The following TLR3 variants were observed in gnomAD, a reference collection of about 807,000 sequenced individuals.
The protein encoded by TLR3 is toll-like receptor 3.
In TLR3, 43 loss-of-function variants were observed where a neutral mutation model predicts 66.4. That is an observed-to-expected ratio of 0.65 (90% CI 0.51 to 0.83). The LOEUF (loss-of-function observed/expected upper bound fraction) is 0.83, where lower values mean the gene tolerates loss of function less well. TLR3 is among the 40% of genes least tolerant of loss of function. TLR3 has a pLI of 0.00. For missense variants in TLR3, 982 were observed against 1,044.6 expected (o/e 0.94, Z 0.83); for synonymous variants, 397 against 397.2 (o/e 1.00, Z 0.01).
chr4:186,076,538 A>C, intron 1 of TLR3, 75 bp from the exon 2 acceptor site: 1 of 1,369,126 alleles, frequency 7.3e-7, no homozygotes, highest in African/African-American at 1.4e-5. Flanking sequence ...TATATTTTAC[A>C]AGGAATATAC....
At chr4:186,082,097 T>C (rs973293378) in intron 3 of TLR3, 2 of 551,158 alleles carry the variant, frequency 3.6e-6, no homozygotes, top group African/African-American at 1.9e-5. Context: ...TGGTGGCGCA[T>C]GCCTGTAATC....
rs1481297372 is a variant in TLR3, at chr4:186,076,718, A to T, written c.99A>T (p.Glu33Asp). 2.5e-6 allele frequency: 4 copies of T among 1,614,042 alleles called. No individual in the cohort carries two copies. The highest frequency in any genetic ancestry group is 3.4e-6 in the Non-Finnish European group (4 of 1,180,042). ...SSTTKCTVSH[E>D]VADCSHLKLT... ...CCACCAAGTGCACTGTTAGCCATGA[A>T]GTTGCTGACTGCAGCCACCTGAAGT... Residue 33 changes from glutamate to aspartate, a missense_variant, in exon 2 of 5, where the codon GAA becomes GAT. Glu to Asp is a conservative substitution (Grantham distance 45, BLOSUM62 2). Around this residue, in one of 3 missense-constraint regions of TLR3, gnomAD observed 313 missense variants for 319.0 expected, o/e 0.98. Coordinates refer to ENST00000296795, the MANE Select transcript of TLR3 (RefSeq NM_003265.3).
rs1189438854 is a variant in TLR3 at position 186,082,973 on chromosome 4, G to T, written c.1287G>T (p.Trp429Cys). The change falls in exon 4 of 5, where the codon TGG (tryptophan) becomes TGT (cysteine). Residue 429 changes from tryptophan to cysteine, a missense_variant. By Grantham distance (215) the Trp-to-Cys change is radical. Coordinates refer to ENST00000296795, the MANE Select transcript of TLR3 (RefSeq NM_003265.3). Reference sequence around the variant, plus strand: ...AAATAGAGAGTGATGCTTTCTCTTGGTTGGGCCACCTAGAAGTACTTGACC... The same window carrying T: ...AAATAGAGAGTGATGCTTTCTCTTGTTTGGGCCACCTAGAAGTACTTGACC... ...ISKIESDAFS[W>C]LGHLEVLDLG... 1 of 1,614,132 alleles carries T rather than the reference G, an allele frequency of 6.2e-7. No individual in the cohort carries two copies. The highest frequency in any genetic ancestry group is 8.5e-7 in the Non-Finnish European group (1 of 1,180,022).
intron 1 of TLR3, among the ~76,000 whole-genome samples, chr4:186,073,786 A>G (rs1297351517): frequency 6.6e-6 from 1 of 152,194 alleles, no homozygotes; most frequent in Admixed American, 6.5e-5. Context: ...GAAAATAAAT[A>G]GGCAACTCAC....
intron 1 of TLR3, among the ~76,000 whole-genome samples, chr4:186,070,006 A>G (rs748896514): frequency 3.0e-4 from 46 of 152,264 alleles, no homozygotes; most frequent in Non-Finnish European, 5.1e-4. Context: ...AACTCCAGGT[A>G]GTCTGCCTCC....
intron 3 of TLR3, 96 bp from the exon 4 acceptor site, chr4:186,082,224 C>CAATAAAAAAA (rs2099303645): frequency 3.5e-6 from 1 of 284,072 alleles, no homozygotes; most frequent in Non-Finnish European, 5.7e-6. Flanking sequence ...GACTCCGTCT[C>CAATAAAAAAA]AAAAAAAAAA....
rs777335713 is a variant in TLR3 at position 186,076,939 on chromosome 4, A to C, written c.320A>C (p.Gln107Pro). Residue 107 changes from glutamine (Q) to proline (P), a missense_variant, in exon 2 of 5, where the codon CAG (glutamine) becomes CCG (proline). By Grantham distance (76) the Gln-to-Pro change is moderately conservative. Around this residue, in one of 3 missense-constraint regions of TLR3, gnomAD observed 313 missense variants for 319.0 expected, o/e 0.98. Coordinates refer to ENST00000296795, the MANE Select transcript of TLR3 (RefSeq NM_003265.3). Reference protein sequence around the residue: ...KLPMLKVLNLQHNELSQLSDK... With the variant: ...KLPMLKVLNLPHNELSQLSDK... ...CCCATGTTAAAAGTTTTGAACCTCC[A>C]GCACAATGAGCTATCTCAACTTTCT... The C allele has an allele frequency of 1.2e-6, 2 of 1,614,218 alleles. No individual in the cohort carries two copies. The highest frequency in any genetic ancestry group is 4.5e-5 in the East Asian group (2 of 44,886).
chr4:186,075,217 A>C (rs1204071454), intron 1 of TLR3, among the ~76,000 whole-genome samples: 1 of 152,224 alleles, frequency 6.6e-6, no homozygotes, highest in African/African-American at 2.4e-5. Flanking sequence ...ATCACTACAA[A>C]CATGTGAGGA....
Position 186,087,938 on chromosome 4 carries a change from T to A in TLR3, c.*3065T>A, listed in dbSNP as rs2099304635. ...TTGGGTGATGAAAGTGCTCTATAAT[T>A]GGGTTATGGTAATAATTGTACAACT... On this transcript the variant is annotated 3_prime_UTR_variant, in exon 5 of 5. Transcript: ENST00000296795. 6.6e-6 allele frequency: 1 copy of A among 152,136 alleles called. No homozygotes were observed. Among genetic ancestry groups the A allele is most frequent in the Non-Finnish European group, 1.5e-5 (1 of 68,032 alleles). 9.4% of individuals were successfully genotyped at this position (152,136 alleles called of 1,614,324 possible).
intron 2 of TLR3, among the ~76,000 whole-genome samples, chr4:186,077,399 C>T (rs1013053368): frequency 6.6e-6 from 1 of 152,092 alleles, no homozygotes; most frequent in Non-Finnish European, 1.5e-5. Flanking sequence ...GAAGTCGTGA[C>T]AAAAGTCTTG....
Position 186,087,861 on chromosome 4 carries a change from G to A in TLR3, c.*2988G>A, listed in dbSNP as rs2099304618. The A allele has an allele frequency of 3.3e-5, 5 of 152,142 alleles. No homozygotes were observed. Among genetic ancestry groups the A allele is most frequent in the Admixed American group, 3.3e-4 (5 of 15,276 alleles). 9.4% of individuals were successfully genotyped at this position (152,142 alleles called of 1,614,324 possible). A position where few individuals can be genotyped will look rare whatever the true frequency, so the allele number is the denominator to read the frequency against. On this transcript the variant is annotated 3_prime_UTR_variant, in exon 5 of 5. Coordinates refer to ENST00000296795, the MANE Select transcript of TLR3 (RefSeq NM_003265.3). ...CACAAAGCAGATGAGTGGTTGTCTG[G>A]GCCTAGGAACAGGAATGGGGAGTGG...
At chr4:186,082,093 C>T (rs542184311) in intron 3 of TLR3, 35 of 541,796 alleles carry the variant, frequency 6.5e-5, no homozygotes, top group Admixed American at 1.7e-4. Flanking sequence ...GACGTGGTGG[C>T]GCATGCCTGT....
In TLR3 at chr4:186,083,737, A is replaced by AT; in HGVS notation, c.2052dup (p.Gly685TrpfsTer8). 6.2e-7 allele frequency: 1 copy of AT among 1,613,268 alleles called. No homozygotes were observed. Among genetic ancestry groups the AT allele is most frequent in the Non-Finnish European group, 8.5e-7 (1 of 1,179,676 alleles). Reference sequence around the variant, plus strand: ...CTTTGCAACACTCCACCTCACTATCATGGGTTCCCAGTGAGACTTTTTGAT... The same window carrying AT: ...CTTTGCAACACTCCACCTCACTATCATTGGGTTCCCAGTGAGACTTTTTGAT... On this transcript the variant is annotated frameshift_variant, in exon 4 of 5. Transcript: ENST00000296795. LOFTEE classifies it high-confidence loss of function. This position sits in a 1 kb window ranked among gnomAD's most constrained non-coding sequence, Gnocchi z 4.0.
chr4:186,076,236 T>C (rs867700672), intron 1 of TLR3, among the ~76,000 whole-genome samples: 4 of 152,120 alleles, frequency 2.6e-5, no homozygotes, highest in South Asian at 4.2e-4. Flanking sequence ...GAGAGAAAAA[T>C]ATAATTAAAT....
At chr4:186,084,287 C>T (rs2099304028) in intron 4 of TLR3, 115 bp downstream of exon 4, 6 of 1,054,702 alleles carry the variant, frequency 5.7e-6, no homozygotes, top group Non-Finnish European at 6.9e-6. Flanking sequence ...GTGGTGTGAT[C>T]TCAGCTTACT....
chr4:186,077,832 G>GA (rs11364853), intron 2 of TLR3, among the ~76,000 whole-genome samples: 6,385 of 149,344 alleles, frequency 0.043, 292 homozygotes, highest in Middle Eastern at 0.12. Context: ...TAGAGCACCA[G>GA]AAAAAAAAAA....
intron 1 of TLR3, among the ~76,000 whole-genome samples, chr4:186,076,385 G>T (rs752497508): frequency 1.3e-5 from 2 of 152,154 alleles, no homozygotes; most frequent in Non-Finnish European, 2.9e-5. Flanking sequence ...TAAGGTGAAG[G>T]ATAGGAAGGA....
Position 186,076,994 on chromosome 4 carries a change from G to C in TLR3, c.375G>C (p.Leu125Phe). ...AAACCTTTGCCTTCTGCACGAATTTGACTGAACTCCATCTCATGTCCAACT... is the reference window on the plus strand; with the variant it reads ...AAACCTTTGCCTTCTGCACGAATTTCACTGAACTCCATCTCATGTCCAACT... ...SDKTFAFCTNLTELHLMSNSI... is the reference protein window; with the variant it reads ...SDKTFAFCTNFTELHLMSNSI... The change falls in exon 2 of 5, where the codon TTG becomes TTC. Residue 125 changes from leucine (L) to phenylalanine (F), a missense_variant. Leu to Phe is a conservative substitution (Grantham distance 22). This residue lies in a region of TLR3 where 313 missense variants were observed against 319.0 expected (regional missense o/e 0.98). Coordinates refer to ENST00000296795, the MANE Select transcript of TLR3 (RefSeq NM_003265.3). The C allele has an allele frequency of 1.2e-6, 2 of 1,614,096 alleles. No homozygotes were observed. The highest frequency in any genetic ancestry group is 1.7e-6 in the Non-Finnish European group (2 of 1,180,042).
In TLR3 at chr4:186,084,767, T is replaced by G. The variant is rs1254564401; in HGVS notation, c.2609T>G (p.Met870Arg). 6.2e-7 allele frequency: 1 copy of G among 1,614,100 alleles called. No individual in the cohort carries two copies. Among genetic ancestry groups the G allele is most frequent in the Non-Finnish European group, 8.5e-7 (1 of 1,180,006 alleles). The stretch of plus-strand genomic sequence containing the variant: ...CATGCACTCTGTTTGCGAAGAGGAA[T>G]GTTTAAATCTCACTGCATCTTGAAC... The part of the protein sequence containing the change: ...LNHALCLRRG[M>R]FKSHCILNWP... The change falls in exon 5 of 5, where the codon ATG becomes AGG. Residue 870 changes from methionine to arginine, a missense_variant. Coordinates refer to ENST00000296795, the MANE Select transcript of TLR3 (RefSeq NM_003265.3).
Sources: allele counts gnomAD v4.1 joint callset (sites outside exome capture counted in the v4.1 genomes callset), GRCh38; gene constraint gnomAD v4.1.1; regional missense constraint gnomAD v4.1.1; non-coding constraint Gnocchi (gnomAD v3.1); transcripts MANE v1.5; gene names NCBI Gene and HGNC (gene_info 2026-07-23, HGNC 2026-07-21).